The following SLC30A6 variants were observed in gnomAD, a reference collection of about 807,000 sequenced individuals.
SLC30A6 encodes the protein solute carrier family 30 member 6.
A neutral mutation model predicts 63.0 loss-of-function variants in SLC30A6; 55 were observed. The observed-to-expected ratio is 0.87, with a 90% CI of 0.70 to 1.09. The LOEUF (loss-of-function observed/expected upper bound fraction) is 1.09, where lower values mean the gene tolerates loss of function less well. Ranked by LOEUF, SLC30A6 falls within the 50% of genes least tolerant of loss-of-function variation. The pLI is 0.00. For synonymous variants in SLC30A6, 224 were observed against 186.1 expected (o/e 1.20, Z -1.66); for missense variants, 587 against 549.2 (o/e 1.07, Z -0.69).
At chr2:32,216,574 TAAATA>T (rs965375018) in intron 13 of SLC30A6, among the ~76,000 whole-genome samples, 28 of 139,456 alleles carry the variant, frequency 2.0e-4, no homozygotes, top group East Asian at 2.0e-4. Context: ...AATAAATAAA[TAAATA>T]AATAATAATA....
chr2:32,167,130 C>G (rs968140165), intron 1 of SLC30A6, among the ~76,000 whole-genome samples: 2 of 152,162 alleles, frequency 1.3e-5, no homozygotes, highest in Admixed American at 6.5e-5. Context: ...GGCTGGAGTG[C>G]AATGGCGCGA....
chr2:32,211,301 C>T (rs1685234791), intron 13 of SLC30A6, among the ~76,000 whole-genome samples: 1 of 152,162 alleles, frequency 6.6e-6, no homozygotes, highest in Non-Finnish European at 1.5e-5. Context: ...GAACAATATT[C>T]TCTAAATTCT....
At chr2:32,168,102 A>G (rs1172799879) in intron 1 of SLC30A6, among the ~76,000 whole-genome samples, 1 of 152,216 alleles carries the variant, frequency 6.6e-6, no homozygotes, top group Non-Finnish European at 1.5e-5. Flanking sequence ...CATTAGTATT[A>G]GTCATGCAGG....
At chr2:32,200,217 T>C (rs80349818) in intron 10 of SLC30A6, among the ~76,000 whole-genome samples, 1 of 152,150 alleles carries the variant, frequency 6.6e-6, no homozygotes, top group Non-Finnish European at 1.5e-5. Context: ...TTTGGCCTAA[T>C]TAGAATAGCC....
chr2:32,188,174 C>A (rs1450619286), intron 5 of SLC30A6, among the ~76,000 whole-genome samples: 2 of 152,114 alleles, frequency 1.3e-5, no homozygotes, highest in African/African-American at 4.8e-5. Flanking sequence ...ATTTTAGGTC[C>A]TTTATATAAG....
Position 32,193,911 on chromosome 2 carries a change from TTTG to T in SLC30A6, c.426_428del (p.Phe142_Val143delinsLeu). On this transcript the variant is annotated inframe_deletion, in exon 8 of 14. Coordinates refer to ENST00000282587, the MANE Select transcript of SLC30A6 (RefSeq NM_017964.5). ...TAGGGGAAGATTATTAGTTGGTACTTTTGTGGCTCTTTGTTTCAACCTGTTCAC... is the reference window on the plus strand; with the variant it reads ...TAGGGGAAGATTATTAGTTGGTACTTTGGCTCTTTGTTTCAACCTGTTCAC... The T allele has an allele frequency of 6.2e-7, 1 of 1,613,490 alleles. No individual in the cohort carries two copies. The highest frequency in any genetic ancestry group is 8.5e-7 in the Non-Finnish European group (1 of 1,179,654).
rs990680494 is a variant in SLC30A6 at position 32,201,084 on chromosome 2, C to T, written c.665+3258C>T. Reference sequence around the variant, plus strand: ...TCTGGATTATCTCCACCCCAGGAGCCTTGTCACTCAATCTTTTGTGCGGCC... The same window carrying T: ...TCTGGATTATCTCCACCCCAGGAGCTTTGTCACTCAATCTTTTGTGCGGCC... On this transcript the variant is annotated intron_variant, in intron 10 of 13. Transcript: ENST00000282587. Among the ~76,000 whole-genome samples the T allele has an allele frequency of 1.1e-4, 17 of 152,304 alleles. No homozygotes were observed. In the East Asian group the frequency reaches 3.3e-3, roughly 29 times the overall value.
intron 13 of SLC30A6, 99 bp downstream of exon 13, chr2:32,209,660 T>A: frequency 1.1e-6 from 1 of 932,958 alleles, no homozygotes; most frequent in Non-Finnish European, 1.6e-6. Context: ...TATAGAGCCT[T>A]TGATTCCTAG....
At chr2:32,187,144 C>A (rs1682907626) in intron 5 of SLC30A6, 1 of 468,674 alleles carries the variant, frequency 2.1e-6, no homozygotes, top group African/African-American at 2.0e-5. Context: ...CATTTTTTTG[C>A]CTCCCAGGCC....
chr2:32,193,489 T>C (rs1414174364), intron 7 of SLC30A6, among the ~76,000 whole-genome samples: 1 of 152,176 alleles, frequency 6.6e-6, no homozygotes, highest in East Asian at 1.9e-4. Context: ...GAATTGTATG[T>C]ATCATATATA....
At chr2:32,209,442 T>C (rs1202352334) in intron 12 of SLC30A6, 51 bp from the exon 13 acceptor site, 2 of 1,425,038 alleles carry the variant, frequency 1.4e-6, no homozygotes, top group Admixed American at 2.1e-5. Flanking sequence ...TAAACTGCAT[T>C]GGATATGTTA....
At chr2:32,208,531 T>C (rs900323767) in intron 12 of SLC30A6, among the ~76,000 whole-genome samples, 1 of 151,968 alleles carries the variant, frequency 6.6e-6, no homozygotes, top group Non-Finnish European at 1.5e-5. Context: ...CCTCCCATCT[T>C]GGCCTTCCAA....
chr2:32,197,793 C>T lies in SLC30A6; in HGVS notation c.632C>T (p.Ala211Val), dbSNP rs1193258308. Residue 211 changes from alanine (A) to valine (V), a missense_variant, in exon 10 of 14, where the codon GCT becomes GTT. Transcript: ENST00000282587. ...FVLIDLAGAFALCITYMLIEI... is the reference protein window; with the variant it reads ...FVLIDLAGAFVLCITYMLIEI... ...TTGATTGATCTTGCTGGAGCATTTG[C>T]TCTTTGTATTACATATATGCTCATT... 1 of 1,613,968 alleles carries T rather than the reference C, an allele frequency of 6.2e-7. No individual in the cohort carries two copies. Among genetic ancestry groups the T allele is most frequent in the Non-Finnish European group, 8.5e-7 (1 of 1,179,974 alleles).
intron 5 of SLC30A6, among the ~76,000 whole-genome samples, chr2:32,185,136 A>G (rs1413378230): frequency 1.3e-5 from 2 of 152,180 alleles, no homozygotes; most frequent in African/African-American, 4.8e-5. Context: ...TGGTAGGTTG[A>G]GGCAGGAGGA....
intron 4 of SLC30A6, among the ~76,000 whole-genome samples, chr2:32,177,036 G>A (rs901060209): frequency 1.1e-4 from 16 of 151,988 alleles, no homozygotes; most frequent in African/African-American, 3.6e-4. Flanking sequence ...GCCTCCCAAA[G>A]TGTTGGGATT....
intron 13 of SLC30A6, among the ~76,000 whole-genome samples, chr2:32,211,684 C>G (rs933712887): frequency 6.6e-6 from 1 of 152,164 alleles, no homozygotes; most frequent in Non-Finnish European, 1.5e-5. Flanking sequence ...GTAGTGCAAT[C>G]TCGGCTCACT....
chr2:32,215,618 A>G (rs970503066), intron 13 of SLC30A6, among the ~76,000 whole-genome samples: 2 of 151,080 alleles, frequency 1.3e-5, no homozygotes, highest in African/African-American at 4.9e-5. Context: ...AATATCCTTA[A>G]TAATTCTGCC....
intron 2 of SLC30A6, 140 bp from the exon 3 acceptor site, chr2:32,173,923 A>G: frequency 1.8e-6 from 1 of 543,562 alleles, no homozygotes; most frequent in East Asian, 3.0e-5. Flanking sequence ...ATTTTGGTAG[A>G]TGTAGAAAGT....
intron 10 of SLC30A6, chr2:32,202,331 T>TTTTG (rs555229530): frequency 3.9e-4 from 152 of 389,730 alleles, no homozygotes; most frequent in African/African-American, 1.5e-3. Flanking sequence ...AGAAACAGTT[T>TTTTG]TTTGTTTGTT....
Sources: allele counts gnomAD v4.1 joint callset (sites outside exome capture counted in the v4.1 genomes callset), GRCh38; gene constraint gnomAD v4.1.1; transcripts MANE v1.5; gene names NCBI Gene and HGNC (gene_info 2026-07-23, HGNC 2026-07-21).